PATL1: variants seen among roughly 807,000 people sequenced by gnomAD.
The protein encoded by PATL1 is PAT1 homolog 1, processing body mRNA decay factor.
A neutral mutation model predicts 100.6 loss-of-function variants in PATL1; 32 were observed. The observed-to-expected ratio is 0.32, with a 90% CI of 0.24 to 0.43. The LOEUF (loss-of-function observed/expected upper bound fraction) is 0.43. PATL1 is among the 20% of genes least tolerant of loss of function. The pLI is 1.00. For missense variants in PATL1, 747 were observed against 949.9 expected (o/e 0.79, Z 2.81); for synonymous variants, 332 against 330.0 (o/e 1.01, Z -0.07).
chr11:59,647,831 T>C lies in PATL1; in HGVS notation c.1816A>G (p.Thr606Ala), dbSNP rs1158294877. 1.2e-6 allele frequency: 2 copies of C among 1,613,882 alleles called. No homozygotes were observed. Among genetic ancestry groups the C allele is most frequent in the Admixed American group, 1.7e-5 (1 of 60,008 alleles). The change falls in exon 15 of 19, where the codon ACA (threonine) becomes GCA (alanine). Residue 606 changes from threonine (T) to alanine (A), a missense_variant. Coordinates refer to ENST00000300146, the MANE Select transcript of PATL1 (RefSeq NM_152716.3). ...MVARILPFLS[T>A]EQAADILMTT... ...ATGAGAATGTCAGCTGCTTGCTCTG[T>C]GGAGAGGAAAGGAAGAATACGGGCA...
rs1347007512 is a variant in PATL1, at chr11:59,668,974, C to T, written c.-79G>A. On this transcript the variant is annotated 5_prime_UTR_variant, in exon 1 of 19. Transcript: ENST00000300146. The stretch of plus-strand genomic sequence containing the variant: ...GCGCTGACTCCCCGGCTCCTCCGCG[C>T]GCGGGTCCTCCACCGGCTCGCGACC... 6.3e-6 allele frequency: 2 copies of T among 318,464 alleles called. No homozygotes were observed. Among genetic ancestry groups the T allele is most frequent in the Non-Finnish European group, 1.2e-5 (2 of 167,782 alleles). The allele number at this position is 318,464 out of a possible 1,614,324, so 19.7% of individuals were successfully genotyped here. A position where few individuals can be genotyped will look rare whatever the true frequency, so the allele number is the denominator to read the frequency against.
intron 13 of PATL1, among the ~76,000 whole-genome samples, chr11:59,650,203 G>C (rs761326456): frequency 6.0e-5 from 9 of 149,956 alleles, no homozygotes; most frequent in Non-Finnish European, 1.2e-4. Flanking sequence ...TAAAGAAACT[G>C]AGGACAGCAT....
At chr11:59,638,973 G>T in intron 18 of PATL1, 75 bp downstream of exon 18, 1 of 1,506,880 alleles carries the variant, frequency 6.6e-7, no homozygotes, top group Non-Finnish European at 9.0e-7. Flanking sequence ...GTGAGCCACC[G>T]TACCCAGCCT....
chr11:59,647,216 C>G (rs897704812), intron 15 of PATL1, among the ~76,000 whole-genome samples: 1 of 112,018 alleles, frequency 8.9e-6, no homozygotes, highest in Non-Finnish European at 1.7e-5. Context: ...GAGCAAAACT[C>G]TGTCTCAAAA....
intron 17 of PATL1, 32 bp from the exon 18 acceptor site, chr11:59,639,229 G>GA (rs759856246): frequency 1.5e-5 from 24 of 1,604,578 alleles, no homozygotes; most frequent in East Asian, 2.2e-5. Flanking sequence ...AATATCAGGA[G>GA]AAAAAAATTT....
chr11:59,653,923 T>TA, intron 9 of PATL1, 60 bp downstream of exon 9: 1 of 1,451,418 alleles, frequency 6.9e-7, no homozygotes, highest in Non-Finnish European at 9.7e-7. Context: ...AGCATGTTGT[T>TA]ACACTGTTAA....
Position 59,666,975 on chromosome 11 carries a change from A to AG in PATL1, c.16-12dup. On this transcript the variant is annotated splice_polypyrimidine_tract_variant and intron_variant, in intron 1 of 18. Transcript: ENST00000300146. Reference sequence around the variant, plus strand: ...ACAATCCTCCAAAGACTAAAAAAAAAGAAAAGACATTAGTTATTCATGAAA... The same window carrying AG: ...ACAATCCTCCAAAGACTAAAAAAAAAGGAAAAGACATTAGTTATTCATGAAA... 3.3e-6 allele frequency: 5 copies of AG among 1,536,438 alleles called. No homozygotes were observed. The highest frequency in any genetic ancestry group is 4.4e-6 in the Non-Finnish European group (5 of 1,143,450).
chr11:59,667,578 T>G (rs1861709378), intron 1 of PATL1, among the ~76,000 whole-genome samples: 1 of 152,222 alleles, frequency 6.6e-6, no homozygotes, highest in Non-Finnish European at 1.5e-5. Context: ...AGTGTGAACA[T>G]GGGCAACTCA....
At chr11:59,652,693 AATAT>A (rs1861463941) in intron 10 of PATL1, 106 bp from the exon 11 acceptor site, 1 of 1,531,776 alleles carries the variant, frequency 6.5e-7, no homozygotes, top group Non-Finnish European at 8.8e-7. Flanking sequence ...CAGCTCTAGA[AATAT>A]ACTGATAGTG....
Position 59,667,080 on chromosome 11 carries a change from T to C in PATL1, c.16-116A>G, listed in dbSNP as rs115458125. On this transcript the variant is annotated intron_variant, in intron 1 of 18. Coordinates refer to ENST00000300146, the MANE Select transcript of PATL1 (RefSeq NM_152716.3). ...AACATAATTGCTTCATTATGACTTT[T>C]TGTAAAGATGGCATTTTTTTTCTAC... is the stretch of plus-strand genomic sequence containing the variant. The C allele has an allele frequency of 4.3e-3, 6,157 of 1,420,622 alleles. 229 individuals are homozygous for C. The African/African-American group carries it at 0.08, about 18-fold the overall frequency. 88.0% of individuals were successfully genotyped at this position (1,420,622 alleles called of 1,614,324 possible).
chr11:59,666,720 G>T, intron 2 of PATL1, 133 bp downstream of exon 2: 1 of 960,658 alleles, frequency 1.0e-6, no homozygotes, highest in Non-Finnish European at 1.5e-6. Flanking sequence ...ACTATTCTAA[G>T]ATGAGGAATA....
rs775632137 is a variant in PATL1 at position 59,642,863 on chromosome 11, TA to T, written c.2049+16del. 11 of 1,605,300 alleles carry T rather than the reference TA, an allele frequency of 6.9e-6. No individual in the cohort carries two copies. The Admixed American group carries it at 1.9e-4, about 27-fold the overall frequency. On this transcript the variant is annotated intron_variant, in intron 16 of 18. Transcript: ENST00000300146. ...AGACATTTCACAAAGTTCAAGGAGT[TA>T]AAAGGGCAAGATCACCTTGTTCTGG...
intron 9 of PATL1, 92 bp downstream of exon 9, chr11:59,653,890 TA>T (rs34707746): frequency 1.3e-5 from 15 of 1,138,578 alleles, no homozygotes; most frequent in South Asian, 4.0e-5. Flanking sequence ...GTAAACTTAC[TA>T]AAAAAAACAA....
At position 59,647,901 on chromosome 11, in the gene PATL1, GTCA is replaced by G; in HGVS notation, c.1743_1745del (p.Asp582del). ...GGATACACATGATCTGTACAAAGTG[GTCA>G]TCACTAGGCCTGCAAGGAAGAAAAA... On this transcript the variant is annotated inframe_deletion, in exon 15 of 19. Transcript: ENST00000300146. 1 of 1,605,734 alleles carries G rather than the reference GTCA, an allele frequency of 6.2e-7. No homozygotes were observed. The highest frequency in any genetic ancestry group is 8.5e-7 in the Non-Finnish European group (1 of 1,174,762).
In PATL1 at chr11:59,652,841, G is replaced by A; in HGVS notation, c.1299C>T (p.Tyr433=). Residue 433 remains tyrosine, a synonymous_variant, in exon 10 of 19, where the codon TAC becomes TAT. Coordinates refer to ENST00000300146, the MANE Select transcript of PATL1 (RefSeq NM_152716.3). ...STDPYLDDFY[Y]QNYFEKLEKL... ...AAAACTAGCACAGAGTATTTACCTGGTAATAAAAATCATCCAGGTAGGGAT... is the reference window on the plus strand; with the variant it reads ...AAAACTAGCACAGAGTATTTACCTGATAATAAAAATCATCCAGGTAGGGAT... 1.9e-6 allele frequency: 3 copies of A among 1,613,062 alleles called. No individual in the cohort carries two copies. Among genetic ancestry groups the A allele is most frequent in the Non-Finnish European group, 2.5e-6 (3 of 1,179,666 alleles).
At position 59,655,653 on chromosome 11, in the gene PATL1, G is replaced by C. The variant is rs375929745; in HGVS notation, c.901C>G (p.Leu301Val). ...AGCATCTGCCCAACTCGCCCTTGTA[G>C]CAACTTGGGATTCATGGCAGCAAGT... Reference protein sequence around the residue: ...SPLAAMNPKLLQGRVGQMLPP... With the variant: ...SPLAAMNPKLVQGRVGQMLPP... The change falls in exon 8 of 19, where the codon CTA (leucine) becomes GTA (valine). Residue 301 changes from leucine to valine, a missense_variant. Coordinates refer to ENST00000300146, the MANE Select transcript of PATL1 (RefSeq NM_152716.3). 1 of 1,603,410 alleles carries C rather than the reference G, an allele frequency of 6.2e-7. No individual in the cohort carries two copies. Among genetic ancestry groups the C allele is most frequent in the Non-Finnish European group, 8.5e-7 (1 of 1,175,002 alleles).
At chr11:59,649,317 T>A (rs1156359563) in intron 14 of PATL1, 145 bp downstream of exon 14, 1 of 759,412 alleles carries the variant, frequency 1.3e-6, no homozygotes, top group Non-Finnish European at 2.0e-6. Flanking sequence ...TTAAATGAAG[T>A]GGCATTTGAG....
chr11:59,645,315 G>A (rs1590695408), intron 15 of PATL1, among the ~76,000 whole-genome samples: 1 of 118,158 alleles, frequency 8.5e-6, no homozygotes, highest in Non-Finnish European at 1.7e-5. Context: ...CAGACGGGGT[G>A]GTGGCAGGGC....
chr11:59,638,251 C>T lies in PATL1; in HGVS notation c.*139G>A, dbSNP rs1861221756. 1.2e-6 allele frequency: 1 copy of T among 836,454 alleles called. No individual in the cohort carries two copies. The highest frequency in any genetic ancestry group is 2.0e-6 in the Non-Finnish European group (1 of 511,758). The allele number at this position is 836,454 out of a possible 1,614,324, so 51.8% of individuals were successfully genotyped here. ...TATCTGACATTTAGAGAGACAACCC[C>T]TGTAAACAGGAATCGATCCCACAAG... On this transcript the variant is annotated 3_prime_UTR_variant, in exon 19 of 19. Coordinates refer to ENST00000300146, the MANE Select transcript of PATL1 (RefSeq NM_152716.3).
Sources: allele counts gnomAD v4.1 joint callset (sites outside exome capture counted in the v4.1 genomes callset), GRCh38; gene constraint gnomAD v4.1.1; transcripts MANE v1.5; gene names NCBI Gene and HGNC (gene_info 2026-07-23, HGNC 2026-07-21).